Variants in DCDC1 observed in about 807,000 individuals in gnomAD.
The protein encoded by DCDC1 is doublecortin domain-containing protein 1.
DCDC1 carries 200 observed loss-of-function variants against 178.3 expected under a neutral mutation model. That is an observed-to-expected ratio of 1.12 (90% CI 1.00 to 1.26). The LOEUF is 1.26. Ranked by LOEUF, DCDC1 falls within the 50% of genes most tolerant of loss-of-function variation. The pLI is 0.00. For missense variants in DCDC1, 1,983 were observed against 1,749.2 expected (o/e 1.13, Z -2.38); for synonymous variants, 690 against 604.8 (o/e 1.14, Z -2.07).
intron 20 of DCDC1, among the ~76,000 whole-genome samples, chr11:30,969,579 A>C (rs1949664689): frequency 6.6e-6 from 1 of 152,226 alleles, no homozygotes; most frequent in Non-Finnish European, 1.5e-5. Flanking sequence ...ACACCAGCCA[A>C]AGGAAACTAA....
chr11:31,311,019 C>T (rs1344667315), intron 3 of DCDC1, among the ~76,000 whole-genome samples: 1 of 152,156 alleles, frequency 6.6e-6, no homozygotes, highest in African/African-American at 2.4e-5. Context: ...CTTCTTCATA[C>T]ATCATTATTG....
At chr11:31,286,954 C>T (rs10767894) in intron 7 of DCDC1, among the ~76,000 whole-genome samples, 36,555 of 151,824 alleles carry the variant, frequency 0.24, 4,478 homozygotes, top group East Asian at 0.3. Context: ...CTCAAATTGG[C>T]AGACTTTATG....
intron 9 of DCDC1, among the ~76,000 whole-genome samples, chr11:31,142,838 CT>C (rs556879912): frequency 1.1e-4 from 16 of 150,748 alleles, no homozygotes; most frequent in South Asian, 4.2e-4. Flanking sequence ...AATAAATGGT[CT>C]TTTTTTTTGT....
intron 20 of DCDC1, among the ~76,000 whole-genome samples, chr11:31,056,655 A>C (rs1238570904): frequency 6.6e-6 from 1 of 152,180 alleles, no homozygotes. Flanking sequence ...TGTACCTAAT[A>C]ATCTCAAATT....
chr11:31,197,727 C>A (rs1970849979), intron 9 of DCDC1, among the ~76,000 whole-genome samples: 2 of 152,010 alleles, frequency 1.3e-5, no homozygotes, highest in African/African-American at 4.8e-5. Flanking sequence ...GTTTATGTGC[C>A]TCCAAACTTT....
Position 31,064,468 on chromosome 11 carries a change from C to T in DCDC1, c.2591+1G>A, listed in dbSNP as rs768492401. Reference sequence around the variant, plus strand: ...AAAGCTCAGTTCTGTCAGTACCCTACCTCTGAGCAGAAGCCTTAGGATGTT... The same window carrying T: ...AAAGCTCAGTTCTGTCAGTACCCTATCTCTGAGCAGAAGCCTTAGGATGTT... On this transcript the variant is annotated splice_donor_variant, in intron 20 of 38. Transcript: ENST00000684477. LOFTEE classifies it high-confidence loss of function. The T allele has an allele frequency of 2.6e-6, 2 of 764,890 alleles. No individual in the cohort carries two copies. Among genetic ancestry groups the T allele is most frequent in the African/African-American group, 1.7e-5 (1 of 59,162 alleles). The allele number at this position is 764,890 out of a possible 1,614,324, so 47.4% of individuals were successfully genotyped here.
chr11:30,964,901 T>C (rs761649460), intron 20 of DCDC1, among the ~76,000 whole-genome samples: 23 of 152,120 alleles, frequency 1.5e-4, no homozygotes, highest in Non-Finnish European at 2.6e-4. Flanking sequence ...CAGGACAGCA[T>C]GTCATGTCGA....
intron 38 of DCDC1, among the ~76,000 whole-genome samples, chr11:30,874,920 A>G (rs1407440656): frequency 2.6e-5 from 4 of 152,218 alleles, no homozygotes; most frequent in African/African-American, 7.2e-5. Flanking sequence ...GAGCAATAGC[A>G]CATCCAATTC....
At chr11:31,004,249 TACAA>T (rs961976246) in intron 20 of DCDC1, among the ~76,000 whole-genome samples, 7 of 152,140 alleles carry the variant, frequency 4.6e-5, no homozygotes, top group African/African-American at 1.7e-4. Context: ...TCAAATAGTG[TACAA>T]ACACTTTTCA....
At chr11:31,023,698 T>G (rs1953041886) in intron 20 of DCDC1, among the ~76,000 whole-genome samples, 1 of 152,032 alleles carries the variant, frequency 6.6e-6, no homozygotes, top group African/African-American at 2.4e-5. Context: ...GCAAAATCAT[T>G]ATACAGAAAA....
chr11:31,100,015 C>T (rs560739858), intron 15 of DCDC1, among the ~76,000 whole-genome samples: 12 of 151,958 alleles, frequency 7.9e-5, no homozygotes, highest in African/African-American at 2.7e-4. Flanking sequence ...CTGCACCCAG[C>T]TGATGGGCAG....
chr11:31,098,184 C>T (rs1958274339), intron 15 of DCDC1, among the ~76,000 whole-genome samples: 2 of 152,114 alleles, frequency 1.3e-5, no homozygotes, highest in Non-Finnish European at 2.9e-5. Flanking sequence ...ACCAGGCATT[C>T]CTAAAGCTAT....
At chr11:31,336,434 A>ATT (rs910470358) in intron 1 of DCDC1, among the ~76,000 whole-genome samples, 2 of 152,206 alleles carry the variant, frequency 1.3e-5, no homozygotes, top group Non-Finnish European at 2.9e-5. Flanking sequence ...TAGAAAGGGT[A>ATT]TGGAGGAGGT....
intron 8 of DCDC1, among the ~76,000 whole-genome samples, chr11:31,253,966 C>T (rs1386546529): frequency 1.3e-5 from 2 of 152,172 alleles, no homozygotes; most frequent in Non-Finnish European, 2.9e-5. Flanking sequence ...AAGAAGATGG[C>T]ATGTGACTTG....
intron 36 of DCDC1, among the ~76,000 whole-genome samples, chr11:30,890,806 A>G (rs2134042327): frequency 6.6e-6 from 1 of 152,318 alleles, no homozygotes; most frequent in Admixed American, 6.5e-5. Flanking sequence ...TATCTTAAAC[A>G]TCTTTATTAT....
chr11:31,292,714 T>G lies in DCDC1; in HGVS notation c.755-1862A>C, dbSNP rs977505003. Among the ~76,000 whole-genome samples, 3 of 152,116 alleles carry G rather than the reference T, an allele frequency of 2.0e-5. No homozygotes were observed. The East Asian group carries it at 5.8e-4, about 29-fold the overall frequency. ...GATGTTAGTTACACAACAGTGTGAA[T>G]GTACTAAATGCTACTAAATTGCTCA... On this transcript the variant is annotated intron_variant, in intron 6 of 38. Coordinates refer to ENST00000684477, the MANE Select transcript of DCDC1 (RefSeq NM_001387274.1).
intron 20 of DCDC1, among the ~76,000 whole-genome samples, chr11:30,993,985 A>G (rs1055707021): frequency 6.6e-6 from 1 of 152,188 alleles, no homozygotes; most frequent in African/African-American, 2.4e-5. Context: ...ACCCAGCTAA[A>G]GCTCTATCAA....
intron 20 of DCDC1, among the ~76,000 whole-genome samples, chr11:31,048,032 T>C (rs1954973046): frequency 6.6e-6 from 1 of 152,184 alleles, no homozygotes; most frequent in African/African-American, 2.4e-5. Context: ...TTAATATTCA[T>C]AGTCTCATTT....
intron 9 of DCDC1, among the ~76,000 whole-genome samples, chr11:31,180,051 C>A (rs1205052121): frequency 2.6e-5 from 4 of 152,116 alleles, no homozygotes; most frequent in South Asian, 2.1e-4. Context: ...TCAATAGACA[C>A]AGAAAAAGCA....
Sources: allele counts gnomAD v4.1 joint callset (sites outside exome capture counted in the v4.1 genomes callset), GRCh38; gene constraint gnomAD v4.1.1; transcripts MANE v1.5; gene names NCBI Gene and HGNC (gene_info 2026-07-23, HGNC 2026-07-21).